CDH4: variants seen among roughly 807,000 people sequenced by gnomAD.
CDH4 encodes the protein cadherin-4.
Under a neutral mutation model 86.0 loss-of-function variants are expected in CDH4, and 33 were observed. The ratio of observed to expected loss-of-function variants is 0.38; its 90% CI spans 0.29 to 0.51. The LOEUF is 0.51. CDH4 is among the 20% of genes least tolerant of loss of function. The pLI, the probability that CDH4 is intolerant of heterozygous loss-of-function variation, is 0.86. For synonymous variants in CDH4, 555 were observed against 549.4 expected (o/e 1.01, Z -0.14); for missense variants, 1,114 against 1,307.4 (o/e 0.85, Z 2.28).
intron 13 of CDH4, among the ~76,000 whole-genome samples, chr20:61,932,602 C>G (rs1309169828): frequency 6.6e-6 from 1 of 152,216 alleles, no homozygotes; most frequent in Non-Finnish European, 1.5e-5. Context: ...CACGCTCACA[C>G]CCAGGCACAC....
intron 2 of CDH4, among the ~76,000 whole-genome samples, chr20:61,491,457 A>G (rs2085625306): frequency 6.6e-6 from 1 of 152,240 alleles, no homozygotes; most frequent in Non-Finnish European, 1.5e-5. Context: ...AAAGGAAAAG[A>G]TGGAACAAAG....
chr20:61,931,477 G>T (rs1395558184), intron 13 of CDH4, among the ~76,000 whole-genome samples: 12 of 152,206 alleles, frequency 7.9e-5, no homozygotes, highest in Admixed American at 7.9e-4. Context: ...AATTAATCGG[G>T]TTGGCAAAAA....
chr20:61,332,317 C>A (rs928243175), intron 2 of CDH4, among the ~76,000 whole-genome samples: 19 of 152,204 alleles, frequency 1.2e-4, no homozygotes, highest in African/African-American at 4.3e-4. Flanking sequence ...GCTGGCCAAG[C>A]CAGGCTGTTT....
chr20:61,664,258 G>C (rs2087297424), intron 2 of CDH4, among the ~76,000 whole-genome samples: 1 of 152,190 alleles, frequency 6.6e-6, no homozygotes, highest in Non-Finnish European at 1.5e-5. Flanking sequence ...CTGGAGCTGT[G>C]CTGTCACCTG....
intron 2 of CDH4, among the ~76,000 whole-genome samples, chr20:61,568,516 C>T (rs59924938): frequency 0.02 from 3,083 of 152,266 alleles, 108 homozygotes; most frequent in African/African-American, 0.07. Context: ...GTATTAGCAG[C>T]GTGGGAACTG....
At chr20:61,765,549 C>A (rs1385638470) in intron 3 of CDH4, among the ~76,000 whole-genome samples, 7 of 152,156 alleles carry the variant, frequency 4.6e-5, no homozygotes, top group Admixed American at 4.6e-4. Flanking sequence ...GCAGAGCAGC[C>A]TTAGGGCGTA....
At position 61,252,569 on chromosome 20, in the gene CDH4, G is replaced by A. The variant is rs1035123312; in HGVS notation, c.56G>A (p.Arg19Gln). The A allele has an allele frequency of 1.8e-5, 22 of 1,203,828 alleles. No individual in the cohort carries two copies. The African/African-American group carries it at 3.2e-4, about 17-fold the overall frequency. The allele number at this position is 1,203,828 out of a possible 1,614,324, so 74.6% of individuals were successfully genotyped here. The change falls in exon 1 of 16, where the codon CGG (arginine) becomes CAG (glutamine). Residue 19 changes from arginine to glutamine, a missense_variant and splice_region_variant. By Grantham distance (43) the Arg-to-Gln change is conservative. Coordinates refer to ENST00000614565, the MANE Select transcript of CDH4 (RefSeq NM_001794.5). This position sits in a 1 kb window ranked among gnomAD's most constrained non-coding sequence, Gnocchi z 4.4. Reference protein sequence around the residue: ...LLLLSLSGALRAHNEDLTTRE... With the variant: ...LLLLSLSGALQAHNEDLTTRE... ...CTGCTCTCGCTCTCCGGCGCGCTCC[G>A]GGTAAGTTGCCGCCTCCCGCCCCCG... is the stretch of plus-strand genomic sequence containing the variant.
intron 4 of CDH4, among the ~76,000 whole-genome samples, chr20:61,825,082 C>G (rs1341105258): frequency 2.8e-4 from 43 of 151,860 alleles, no homozygotes; most frequent in Admixed American, 2.8e-3. Context: ...CCTTTCATCC[C>G]TCCTTCATTC....
chr20:61,592,020 A>G (rs189774419), intron 2 of CDH4, among the ~76,000 whole-genome samples: 10 of 152,252 alleles, frequency 6.6e-5, no homozygotes, highest in African/African-American at 1.9e-4. Context: ...TCAATTAGCT[A>G]TCTGCCTAAC....
intron 2 of CDH4, among the ~76,000 whole-genome samples, chr20:61,666,477 C>A (rs925947319): frequency 6.6e-6 from 1 of 152,360 alleles, no homozygotes; most frequent in Non-Finnish European, 1.5e-5. Flanking sequence ...TCCATGAAAA[C>A]AGCCATGGGC....
intron 2 of CDH4, among the ~76,000 whole-genome samples, chr20:61,322,172 C>T (rs569817383): frequency 1.4e-4 from 21 of 152,286 alleles, no homozygotes; most frequent in African/African-American, 5.1e-4. Context: ...GGGGTTGGTG[C>T]CGTCTGTGTG....
At chr20:61,597,663 G>A (rs2145739812) in intron 2 of CDH4, among the ~76,000 whole-genome samples, 1 of 152,336 alleles carries the variant, frequency 6.6e-6, no homozygotes, top group South Asian at 2.1e-4. Flanking sequence ...AGGACAGGCA[G>A]GGCCTCCTTG....
intron 2 of CDH4, among the ~76,000 whole-genome samples, chr20:61,659,840 G>A (rs984403203): frequency 6.6e-6 from 1 of 152,216 alleles, no homozygotes; most frequent in Non-Finnish European, 1.5e-5. Flanking sequence ...AAGTGGGCGG[G>A]CAGAGGCAGG....
chr20:61,817,461 C>A (rs1980776918), intron 4 of CDH4, among the ~76,000 whole-genome samples: 1 of 152,204 alleles, frequency 6.6e-6, no homozygotes, highest in Non-Finnish European at 1.5e-5. Context: ...TGAAACACTC[C>A]TAGGCCCACA....
rs1018002055 is a variant in CDH4 at position 61,700,922 on chromosome 20, C to T, written c.170-42641C>T. On this transcript the variant is annotated intron_variant, in intron 2 of 15. Transcript: ENST00000614565. ...GGCGGCTCCCCCCTTTTTTGCAGAA[C>T]ACTTTCAAAGGTGTATTCGTGTTCC... Among the ~76,000 whole-genome samples the T allele has an allele frequency of 2.6e-5, 4 of 152,184 alleles. No individual in the cohort carries two copies. In the South Asian group the frequency reaches 8.3e-4, roughly 32 times the overall value.
At chr20:61,603,368 C>T (rs2086618243) in intron 2 of CDH4, among the ~76,000 whole-genome samples, 2 of 152,222 alleles carry the variant, frequency 1.3e-5, no homozygotes, top group African/African-American at 2.4e-5. Flanking sequence ...CGGATGGCCC[C>T]TGCAGAGACC....
intron 2 of CDH4, among the ~76,000 whole-genome samples, chr20:61,473,439 G>A (rs1020400900): frequency 9.2e-5 from 14 of 152,104 alleles, no homozygotes; most frequent in Admixed American, 3.3e-4. Context: ...GAGAGCTTAC[G>A]AGCCCCTCCA....
chr20:61,846,478 C>T (rs545233650), intron 5 of CDH4, among the ~76,000 whole-genome samples: 1 of 152,022 alleles, frequency 6.6e-6, no homozygotes, highest in South Asian at 2.1e-4. Flanking sequence ...GAAATAGCTA[C>T]GGACCAAGGA....
At chr20:61,306,537 A>G (rs1327946205) in intron 2 of CDH4, among the ~76,000 whole-genome samples, 1 of 152,086 alleles carries the variant, frequency 6.6e-6, no homozygotes, top group African/African-American at 2.4e-5. Context: ...GGGGTTTACC[A>G]TCTTGGCCAG....
Sources: gnomAD v4.1 joint callset for allele counts (sites outside exome capture counted in the v4.1 genomes callset) on GRCh38, gnomAD v4.1.1 for gene constraint, Gnocchi (gnomAD v3.1) non-coding constraint, MANE v1.5 for transcripts, NCBI Gene and HGNC (gene_info 2026-07-23, HGNC 2026-07-21) for gene names.